The following SPPL3 variants were observed in gnomAD, a reference collection of about 807,000 sequenced individuals.
The protein encoded by SPPL3 is signal peptide peptidase like 3.
Under a neutral mutation model 42.4 loss-of-function variants are expected in SPPL3, and 5 were observed. The ratio of observed to expected loss-of-function variants is 0.12; its 90% CI spans 0.06 to 0.25. The LOEUF is 0.25. Among genes scored for constraint, SPPL3 ranks in the 10% least tolerant of loss-of-function variants. SPPL3 has a pLI of 1.00. For synonymous variants in SPPL3, 195 were observed against 181.8 expected (o/e 1.07, Z -0.58); for missense variants, 235 against 489.0 (o/e 0.48, Z 4.90).
chr12:120,875,462 T>C, intron 1 of SPPL3, among the ~76,000 whole-genome samples: 1 of 151,946 alleles, frequency 6.6e-6, no homozygotes, highest in Non-Finnish European at 1.5e-5. Flanking sequence ...ACCCCATCTC[T>C]ACTAAAAATG....
At chr12:120,886,926 G>T (rs1873479493) in intron 1 of SPPL3, among the ~76,000 whole-genome samples, 1 of 152,036 alleles carries the variant, frequency 6.6e-6, no homozygotes. Context: ...ACTAAAAAAA[G>T]TTAAAATGTC....
intron 1 of SPPL3, among the ~76,000 whole-genome samples, chr12:120,871,144 A>AAAAAAAAAAAG (rs61249398): frequency 1.1e-4 from 15 of 142,198 alleles, no homozygotes; most frequent in African/African-American, 4.1e-4. Flanking sequence ...AAAAAAAAAA[A>AAAAAAAAAAAG]AAAAAGAAAA....
At chr12:120,769,289 C>T (rs773390688) in intron 6 of SPPL3, 4 of 405,396 alleles carry the variant, frequency 9.9e-6, no homozygotes, top group Admixed American at 3.7e-5. Flanking sequence ...ACATAGTGCT[C>T]GGCTGTTGGA....
At position 120,782,775 on chromosome 12, in the gene SPPL3, A is replaced by G. The variant is rs1869588295; in HGVS notation, c.390-8T>C. The G allele has an allele frequency of 3.8e-6, 6 of 1,588,518 alleles. No homozygotes were observed. In the East Asian group the frequency reaches 1.4e-4, roughly 36 times the overall value. On this transcript the variant is annotated splice_polypyrimidine_tract_variant and splice_region_variant and intron_variant, in intron 5 of 10. Coordinates refer to ENST00000353487, the MANE Select transcript of SPPL3 (RefSeq NM_139015.5). ...CAGCAACCAAAGGAAATCCTGGAAA[A>G]CACACAACACTTATTGGACAGTGGG...
chr12:120,873,037 A>C (rs1349897522), intron 1 of SPPL3, among the ~76,000 whole-genome samples: 2 of 152,256 alleles, frequency 1.3e-5, no homozygotes, highest in African/African-American at 4.8e-5. Context: ...AAATGATAGA[A>C]ATAATGGAAT....
intron 6 of SPPL3, among the ~76,000 whole-genome samples, chr12:120,778,862 A>AT (rs1336041811): frequency 2.0e-5 from 3 of 152,198 alleles, no homozygotes; most frequent in Non-Finnish European, 4.4e-5. Flanking sequence ...TTTCTTATTA[A>AT]GATGATTCTG....
chr12:120,791,174 T>C (rs1457687821), intron 3 of SPPL3, among the ~76,000 whole-genome samples: 1 of 152,220 alleles, frequency 6.6e-6, no homozygotes, highest in Non-Finnish European at 1.5e-5. Context: ...TACTTTTGCA[T>C]CTTTCAAAAG....
chr12:120,802,851 T>A (rs1870362134), intron 2 of SPPL3, among the ~76,000 whole-genome samples: 1 of 152,228 alleles, frequency 6.6e-6, no homozygotes, highest in Non-Finnish European at 1.5e-5. Context: ...AGCAGTAAGA[T>A]GGTTATCTAA....
intron 1 of SPPL3, chr12:120,903,440 CT>C: frequency 4.8e-6 from 1 of 208,138 alleles, no homozygotes; most frequent in South Asian, 6.7e-5. Context: ...AGCGGCCCAC[CT>C]TTGCCCTGGC....
chr12:120,873,958 G>GA (rs891334807), intron 1 of SPPL3, among the ~76,000 whole-genome samples: 1 of 151,650 alleles, frequency 6.6e-6, no homozygotes, highest in East Asian at 1.9e-4. Context: ...AGTACTGAAG[G>GA]AAAAAAAGTC....
At chr12:120,826,798 G>A (rs1871243249) in intron 1 of SPPL3, among the ~76,000 whole-genome samples, 1 of 152,064 alleles carries the variant, frequency 6.6e-6, no homozygotes, top group Non-Finnish European at 1.5e-5. Flanking sequence ...GAGTCCTGCT[G>A]TCCAGGACTC....
intron 1 of SPPL3, among the ~76,000 whole-genome samples, chr12:120,831,106 C>T (rs1201972329): frequency 6.6e-6 from 1 of 152,024 alleles, no homozygotes; most frequent in African/African-American, 2.4e-5. Context: ...GTGAAACATT[C>T]AACTTCGGTC....
intron 1 of SPPL3, among the ~76,000 whole-genome samples, chr12:120,815,513 A>G (rs1171095518): frequency 6.6e-6 from 1 of 152,122 alleles, no homozygotes; most frequent in Non-Finnish European, 1.5e-5. Context: ...TTTTCTTCTG[A>G]TGGTGTCTTA....
intron 2 of SPPL3, among the ~76,000 whole-genome samples, chr12:120,808,331 C>T (rs972953962): frequency 2.0e-5 from 3 of 152,132 alleles, no homozygotes; most frequent in African/African-American, 7.2e-5. Context: ...CTGCTTCAGC[C>T]TCCCAAAGTG....
chr12:120,805,754 A>C (rs1048126632), intron 2 of SPPL3, among the ~76,000 whole-genome samples: 1 of 152,246 alleles, frequency 6.6e-6, no homozygotes, highest in Non-Finnish European at 1.5e-5. Context: ...AAATTCATCA[A>C]AAATAACATC....
chr12:120,825,152 CATA>C (rs1006272963), intron 1 of SPPL3, among the ~76,000 whole-genome samples: 5 of 151,988 alleles, frequency 3.3e-5, no homozygotes, highest in East Asian at 1.9e-4. Context: ...TCCAAACTTA[CATA>C]ATGTCAGTTT....
chr12:120,878,889 G>A (rs1038214583), intron 1 of SPPL3, among the ~76,000 whole-genome samples: 4 of 151,882 alleles, frequency 2.6e-5, no homozygotes, highest in African/African-American at 9.7e-5. Context: ...TGAGGCGGGT[G>A]GATCACCTGA....
chr12:120,867,984 T>C (rs2137047407), intron 1 of SPPL3, among the ~76,000 whole-genome samples: 1 of 152,240 alleles, frequency 6.6e-6, no homozygotes, highest in Non-Finnish European at 1.5e-5. Flanking sequence ...TAACCTCAAG[T>C]GAACCGCATG....
At chr12:120,825,375 T>A (rs1344312696) in intron 1 of SPPL3, among the ~76,000 whole-genome samples, 1 of 151,954 alleles carries the variant, frequency 6.6e-6, no homozygotes, top group Non-Finnish European at 1.5e-5. Flanking sequence ...CAGAGAAAAA[T>A]TTTTCTGTGA....
Sources: gnomAD v4.1 joint callset for allele counts (sites outside exome capture counted in the v4.1 genomes callset) on GRCh38, gnomAD v4.1.1 for gene constraint, MANE v1.5 for transcripts, NCBI Gene and HGNC (gene_info 2026-07-23, HGNC 2026-07-21) for gene names.